Variants in REPS1 observed in about 807,000 individuals in gnomAD.
The protein encoded by REPS1 is ralBP1-associated Eps domain-containing protein 1.
A neutral mutation model predicts 100.9 loss-of-function variants in REPS1; 39 were observed. The observed-to-expected ratio is 0.39, with a 90% CI of 0.30 to 0.50. REPS1 has a LOEUF of 0.50. REPS1 is among the 20% of genes least tolerant of loss of function. The pLI is 0.86. For synonymous variants in REPS1, 324 were observed against 340.3 expected (o/e 0.95, Z 0.53); for missense variants, 821 against 968.5 (o/e 0.85, Z 2.02).
At chr6:138,936,120 C>G (rs1021695100) in intron 8 of REPS1, among the ~76,000 whole-genome samples, 3 of 152,018 alleles carry the variant, frequency 2.0e-5, no homozygotes, top group Admixed American at 6.5e-5. Context: ...GGAAAAAGGT[C>G]ACTTCTACAA....
At chr6:138,937,845 C>A (rs1781958138) in intron 8 of REPS1, among the ~76,000 whole-genome samples, 1 of 152,166 alleles carries the variant, frequency 6.6e-6, no homozygotes. Flanking sequence ...AAAAGTGATC[C>A]AGTTCCTACC....
intron 7 of REPS1, among the ~76,000 whole-genome samples, chr6:138,941,860 C>T (rs1429872632): frequency 6.6e-6 from 1 of 152,230 alleles, no homozygotes; most frequent in South Asian, 2.1e-4. Flanking sequence ...TCAAAATTCA[C>T]CATGTATGTA....
chr6:138,961,403 A>AT (rs1235215983), intron 1 of REPS1, among the ~76,000 whole-genome samples: 1 of 151,902 alleles, frequency 6.6e-6, no homozygotes, highest in Non-Finnish European at 1.5e-5. Context: ...CGCCTGGCTA[A>AT]TTTTTTTGTA....
At chr6:138,908,352 T>A (rs540383884) in intron 18 of REPS1, among the ~76,000 whole-genome samples, 1 of 152,310 alleles carries the variant, frequency 6.6e-6, no homozygotes, top group South Asian at 2.1e-4. Context: ...TGGAGTGCAG[T>A]GGTGCCACCT....
intron 8 of REPS1, among the ~76,000 whole-genome samples, chr6:138,940,166 T>C (rs1185727276): frequency 6.6e-6 from 1 of 152,240 alleles, no homozygotes; most frequent in Non-Finnish European, 1.5e-5. Context: ...TGATTCCTTC[T>C]GCGTAATTTA....
chr6:138,966,653 G>A (rs1784041677), intron 1 of REPS1, among the ~76,000 whole-genome samples: 1 of 152,108 alleles, frequency 6.6e-6, no homozygotes, highest in Non-Finnish European at 1.5e-5. Flanking sequence ...TTGCCCAGTA[G>A]TACATTCATC....
At position 138,905,174 on chromosome 6, in the gene REPS1, A is replaced by G. The variant is rs1779549511; in HGVS notation, c.2323-42T>C. On this transcript the variant is annotated intron_variant, in intron 19 of 19. Transcript: ENST00000450536. The stretch of plus-strand genomic sequence containing the variant: ...GGCCAAGTTATGTTTCAAAGTATAT[A>G]AAAATGAAGAAATATCTAACAACAG... The G allele has an allele frequency of 9.5e-6, 12 of 1,261,562 alleles. No homozygotes were observed. The East Asian group carries it at 2.8e-4, about 30-fold the overall frequency. 78.1% of individuals were successfully genotyped at this position (1,261,562 alleles called of 1,614,324 possible). A position where few individuals can be genotyped will look rare whatever the true frequency, so the allele number is the denominator to read the frequency against.
intron 1 of REPS1, among the ~76,000 whole-genome samples, chr6:138,971,590 T>TAA (rs146745689): frequency 0.011 from 1,611 of 151,800 alleles, 21 homozygotes; most frequent in African/African-American, 0.037. Flanking sequence ...CTGCTATAGA[T>TAA]AAAAAAAAGT....
intron 7 of REPS1, among the ~76,000 whole-genome samples, chr6:138,942,065 G>A (rs529064827): frequency 2.6e-5 from 4 of 151,982 alleles, no homozygotes; most frequent in Admixed American, 6.6e-5. Context: ...GGCTGGTCTC[G>A]AACTCCTGAC....
intron 1 of REPS1, among the ~76,000 whole-genome samples, chr6:138,962,633 G>C (rs1783804183): frequency 6.6e-6 from 1 of 152,018 alleles, no homozygotes; most frequent in Non-Finnish European, 1.5e-5. Context: ...AGTAAGTCAA[G>C]ACTGCTTCAC....
chr6:138,918,076 T>C (rs893279121), intron 12 of REPS1, among the ~76,000 whole-genome samples: 1 of 148,646 alleles, frequency 6.7e-6, no homozygotes, highest in African/African-American at 2.5e-5. Flanking sequence ...TTTGCATGCG[T>C]GTGTGTGTGT....
chr6:138,987,905 C>A lies in REPS1; in HGVS notation c.-223G>T. On this transcript the variant is annotated 5_prime_UTR_variant, in exon 1 of 20. Transcript: ENST00000450536. ...CCGCGCCGCTGCCTGCGAGGCCCGG[C>A]GCGCGGCTGCGGCTGCGGCTGCGAC... 1 of 399,460 alleles carries A rather than the reference C, an allele frequency of 2.5e-6. No homozygotes were observed. The highest frequency in any genetic ancestry group is 4.2e-6 in the Non-Finnish European group (1 of 236,716). The allele number at this position is 399,460 out of a possible 1,614,324, so 24.7% of individuals were successfully genotyped here. A position where few individuals can be genotyped will look rare whatever the true frequency, so the allele number is the denominator to read the frequency against.
intron 10 of REPS1, 112 bp downstream of exon 10, chr6:138,926,289 A>C: frequency 1.4e-6 from 1 of 701,436 alleles, no homozygotes; most frequent in Non-Finnish European, 2.4e-6. Context: ...GCCTGCCGCC[A>C]CTTCCCTCTA....
At chr6:138,964,733 C>CA (rs891638581) in intron 1 of REPS1, among the ~76,000 whole-genome samples, 72 of 150,054 alleles carry the variant, frequency 4.8e-4, no homozygotes, top group African/African-American at 5.9e-4. Context: ...TTTCTCAATA[C>CA]AAAAAAAAAC....
At chr6:138,980,323 T>C (rs1294511354) in intron 1 of REPS1, among the ~76,000 whole-genome samples, 1 of 152,200 alleles carries the variant, frequency 6.6e-6, no homozygotes, top group African/African-American at 2.4e-5. Flanking sequence ...CAGCATGATC[T>C]TTTAAAATAT....
At chr6:138,983,476 AAAT>A (rs1181373015) in intron 1 of REPS1, among the ~76,000 whole-genome samples, 2 of 152,062 alleles carry the variant, frequency 1.3e-5, no homozygotes, top group African/African-American at 4.8e-5. Context: ...ATAAAAATAA[AAAT>A]AAACAAGAAT....
intron 12 of REPS1, among the ~76,000 whole-genome samples, chr6:138,918,596 C>T (rs986406391): frequency 2.0e-5 from 3 of 151,966 alleles, no homozygotes; most frequent in Non-Finnish European, 2.9e-5. Flanking sequence ...ACAATAAATA[C>T]GTTACTTCTG....
intron 1 of REPS1, among the ~76,000 whole-genome samples, chr6:138,984,076 CTCTTT>C (rs1158775175): frequency 6.7e-6 from 1 of 148,750 alleles, no homozygotes; most frequent in East Asian, 2.0e-4. Context: ...CTCTCTCTCT[CTCTTT>C]TTTTTTTTTT....
intron 1 of REPS1, among the ~76,000 whole-genome samples, chr6:138,986,905 C>T (rs1406209934): frequency 3.3e-5 from 5 of 152,232 alleles, no homozygotes; most frequent in Non-Finnish European, 7.3e-5. Context: ...CCACAAGTTC[C>T]ACAAATGCTT....
Sources: allele counts gnomAD v4.1 joint callset (sites outside exome capture counted in the v4.1 genomes callset), GRCh38; gene constraint gnomAD v4.1.1; transcripts MANE v1.5; gene names NCBI Gene and HGNC (gene_info 2026-07-23, HGNC 2026-07-21).